Variants in DYNC1I1 observed in about 807,000 individuals in gnomAD.
DYNC1I1 encodes the protein cytoplasmic dynein 1 intermediate chain 1.
In DYNC1I1, 43 loss-of-function variants were observed where a neutral mutation model predicts 86.6. The observed-to-expected ratio is 0.50, with a 90% CI of 0.39 to 0.64. The LOEUF (loss-of-function observed/expected upper bound fraction) is 0.64. DYNC1I1 is among the 30% of genes least tolerant of loss of function. DYNC1I1 has a pLI of 0.00. For missense variants in DYNC1I1, 604 were observed against 788.8 expected, an observed-to-expected ratio of 0.77 and a Z score of 2.81; for synonymous variants, 262 against 283.7, an observed-to-expected ratio of 0.92 and a Z score of 0.77.
chr7:96,046,272 G>A (rs1296350219), intron 14 of DYNC1I1, among the ~76,000 whole-genome samples: 1 of 152,150 alleles, frequency 6.6e-6, no homozygotes, highest in Non-Finnish European at 1.5e-5. Context: ...TTTCTAGGTG[G>A]TGACAAGTCA....
intron 16 of DYNC1I1, among the ~76,000 whole-genome samples, chr7:96,081,400 T>C (rs1372896984): frequency 6.6e-6 from 1 of 152,188 alleles, no homozygotes; most frequent in Non-Finnish European, 1.5e-5. Flanking sequence ...CTTAATTTAA[T>C]GTTACATTAT....
At chr7:96,064,260 G>A (rs900909049) in intron 14 of DYNC1I1, among the ~76,000 whole-genome samples, 1 of 145,910 alleles carries the variant, frequency 6.9e-6, no homozygotes, top group African/African-American at 2.6e-5. Context: ...CTCTCTCAGT[G>A]TCTCTCCAAT....
At position 95,782,577 on chromosome 7, in the gene DYNC1I1, C is replaced by T. The variant is rs77661765; in HGVS notation, c.-10+9804C>T. On this transcript the variant is annotated intron_variant, in intron 1 of 16. Coordinates refer to ENST00000447467, the MANE Select transcript of DYNC1I1 (RefSeq NM_001135556.2). ...TTGGGCCCCAGCCCCATGGTAGCAT[C>T]GAGGGATGCATTGTAATTAATGCTC... is the stretch of plus-strand genomic sequence containing the variant. Among the ~76,000 whole-genome samples the T allele has an allele frequency of 6.7e-3, 1,024 of 152,272 alleles. 22 individuals are homozygous for T. Among genetic ancestry groups the T allele is most frequent in the East Asian group, 0.018 (95 of 5,176 alleles).
chr7:95,951,629 G>C (rs1445003227), intron 6 of DYNC1I1, among the ~76,000 whole-genome samples: 1 of 152,126 alleles, frequency 6.6e-6, no homozygotes, highest in Non-Finnish European at 1.5e-5. Context: ...TTATGCTTTA[G>C]CTGCTTTTCA....
intron 4 of DYNC1I1, among the ~76,000 whole-genome samples, chr7:95,815,044 G>GAA (rs1794917063): frequency 6.6e-6 from 1 of 152,054 alleles, no homozygotes; most frequent in African/African-American, 2.4e-5. Flanking sequence ...TCTGTACCAT[G>GAA]ATGGTGCGTG....
chr7:95,992,109 C>G (rs571758144), intron 9 of DYNC1I1, among the ~76,000 whole-genome samples: 1 of 152,266 alleles, frequency 6.6e-6, no homozygotes, highest in Admixed American at 6.5e-5. Flanking sequence ...ATCCACCCTC[C>G]TCGGCCTCCC....
At chr7:96,004,717 CA>C (rs1366510310) in intron 10 of DYNC1I1, among the ~76,000 whole-genome samples, 2 of 151,842 alleles carry the variant, frequency 1.3e-5, no homozygotes, top group South Asian at 4.2e-4. Context: ...CTATATTTCA[CA>C]AAAGAGAATT....
chr7:95,857,372 G>A (rs1258775605), intron 5 of DYNC1I1, among the ~76,000 whole-genome samples: 2 of 152,214 alleles, frequency 1.3e-5, no homozygotes. Context: ...AATAAAAGGA[G>A]TATGTGCAGA....
At chr7:95,928,174 C>A (rs930888726) in intron 6 of DYNC1I1, among the ~76,000 whole-genome samples, 4 of 152,182 alleles carry the variant, frequency 2.6e-5, no homozygotes, top group Admixed American at 2.0e-4. Flanking sequence ...CAGGATAGCA[C>A]CCATTTCTGT....
chr7:95,820,401 T>A (rs1467598457), intron 4 of DYNC1I1, among the ~76,000 whole-genome samples: 2 of 152,246 alleles, frequency 1.3e-5, no homozygotes, highest in African/African-American at 4.8e-5. Flanking sequence ...AACGGCATTT[T>A]AAAAATTAGA....
chr7:96,039,282 C>G lies in DYNC1I1; in HGVS notation c.1370C>G (p.Ala457Gly), dbSNP rs1274131777. ...VYTACRHGSK[A>G]GIGEVFEGHQ... ...CATGTGTGCTCTTCCTACAGCAAAG[C>G]AGGTATTGGTGAGGTCTTTGAAGGT... The change falls in exon 14 of 17, where the codon GCA becomes GGA. Residue 457 changes from alanine to glycine, a missense_variant. Physicochemically the swap from Ala to Gly is moderately conservative, Grantham distance 60. Transcript: ENST00000447467. 4 of 1,613,294 alleles carry G rather than the reference C, an allele frequency of 2.5e-6. No individual in the cohort carries two copies. Among genetic ancestry groups the G allele is most frequent in the Non-Finnish European group, 3.4e-6 (4 of 1,179,678 alleles).
chr7:95,974,847 A>G (rs190941421), intron 6 of DYNC1I1, among the ~76,000 whole-genome samples: 2 of 152,200 alleles, frequency 1.3e-5, no homozygotes, highest in African/African-American at 4.8e-5. Context: ...TGTTGAGGCC[A>G]TGCAAGTCCA....
intron 5 of DYNC1I1, among the ~76,000 whole-genome samples, chr7:95,844,067 C>T (rs993362715): frequency 1.3e-5 from 2 of 152,032 alleles, no homozygotes; most frequent in African/African-American, 2.4e-5. Context: ...TACCAGTCTT[C>T]CAGAAGATGG....
intron 6 of DYNC1I1, among the ~76,000 whole-genome samples, chr7:95,894,370 T>G (rs1037325910): frequency 6.6e-6 from 1 of 152,006 alleles, no homozygotes; most frequent in South Asian, 2.1e-4. Flanking sequence ...CTAGGGTCTC[T>G]TTATAAGAGT....
intron 1 of DYNC1I1, among the ~76,000 whole-genome samples, chr7:95,783,224 T>G (rs1014914463): frequency 2.6e-5 from 4 of 152,210 alleles, no homozygotes; most frequent in Admixed American, 2.6e-4. Flanking sequence ...ATTTGCATGA[T>G]TTTAGCATCA....
chr7:95,793,295 G>C (rs577595463), intron 1 of DYNC1I1, among the ~76,000 whole-genome samples: 1 of 152,106 alleles, frequency 6.6e-6, no homozygotes, highest in Non-Finnish European at 1.5e-5. Context: ...TGGTGAGTTC[G>C]AGGATTTGGG....
chr7:95,915,907 G>A (rs944497677), intron 6 of DYNC1I1, among the ~76,000 whole-genome samples: 2 of 152,160 alleles, frequency 1.3e-5, no homozygotes, highest in African/African-American at 4.8e-5. Flanking sequence ...GTGAAACTGC[G>A]CTTGGTAGTC....
chr7:95,864,193 T>C (rs774831559), intron 5 of DYNC1I1, among the ~76,000 whole-genome samples: 4 of 152,190 alleles, frequency 2.6e-5, no homozygotes, highest in Admixed American at 6.5e-5. Context: ...TGTGAGTGGA[T>C]AGACAAAAGT....
intron 4 of DYNC1I1, among the ~76,000 whole-genome samples, chr7:95,827,226 G>T (rs1795220156): frequency 6.6e-6 from 1 of 152,144 alleles, no homozygotes; most frequent in South Asian, 2.1e-4. Context: ...CCTAAAGTTT[G>T]TGCTGTCCAT....
Sources: gnomAD v4.1 joint callset for allele counts (sites outside exome capture counted in the v4.1 genomes callset) on GRCh38, gnomAD v4.1.1 for gene constraint, MANE v1.5 for transcripts, NCBI Gene and HGNC (gene_info 2026-07-23, HGNC 2026-07-21) for gene names.